Variants in LEKR1 observed in about 807,000 individuals in gnomAD.
LEKR1 encodes the protein leucine, glutamate and lysine rich 1, also known as protein LEKR1.
Under a neutral mutation model 72.4 loss-of-function variants are expected in LEKR1, and 59 were observed. The ratio of observed to expected loss-of-function variants is 0.82; its 90% CI spans 0.66 to 1.01. LEKR1 has a LOEUF of 1.01. Ranked by LOEUF, LEKR1 falls within the 50% of genes least tolerant of loss-of-function variation. The probability of loss-of-function intolerance (pLI) is 0.00; values close to 1 mark genes in which losing one functional copy is unlikely to be tolerated. For missense variants in LEKR1, 728 were observed against 759.2 expected (o/e 0.96, Z 0.48); for synonymous variants, 257 against 263.2 (o/e 0.98, Z 0.23).
At chr3:156,985,842 CAAAAAAA>C (rs34169262) in intron 7 of LEKR1, among the ~76,000 whole-genome samples, 5 of 119,546 alleles carry the variant, frequency 4.2e-5, no homozygotes, top group Admixed American at 8.4e-5. Flanking sequence ...GACTCTGTGT[CAAAAAAA>C]AAAAAAAAAA....
intron 3 of LEKR1, among the ~76,000 whole-genome samples, chr3:156,854,439 C>T (rs1392483454): frequency 1.3e-5 from 2 of 151,978 alleles, no homozygotes; most frequent in Non-Finnish European, 2.9e-5. Context: ...AGCCACTGTG[C>T]CCAGCCAAAA....
chr3:156,935,398 A>C lies in LEKR1; in HGVS notation c.560-7131A>C, dbSNP rs530281754. Among the ~76,000 whole-genome samples the C allele has an allele frequency of 3.3e-5, 5 of 152,206 alleles. No homozygotes were observed. In the South Asian group the frequency reaches 1.0e-3, roughly 31 times the overall value. ...CTTTTTAGTGCTATCACAGCAATCA[A>C]ATTTCCAGGGCATGGATGTACAAAC... On this transcript the variant is annotated intron_variant, in intron 5 of 12. Coordinates refer to ENST00000356539, the MANE Select transcript of LEKR1 (RefSeq NM_001004316.3).
At chr3:156,964,059 T>G (rs999657750) in intron 6 of LEKR1, among the ~76,000 whole-genome samples, 3 of 152,182 alleles carry the variant, frequency 2.0e-5, no homozygotes, top group Non-Finnish European at 2.9e-5. Context: ...AAGATGGGTA[T>G]GAGTATGTTA....
At chr3:156,933,788 A>G (rs138317875) in intron 5 of LEKR1, among the ~76,000 whole-genome samples, 532 of 152,340 alleles carry the variant, frequency 3.5e-3, no homozygotes, top group Non-Finnish European at 6.0e-3. Context: ...GAACAGTTAT[A>G]TCAGTTATAT....
intron 7 of LEKR1, among the ~76,000 whole-genome samples, chr3:156,992,135 C>T (rs919700532): frequency 3.3e-5 from 5 of 152,180 alleles, no homozygotes; most frequent in South Asian, 2.1e-4. Context: ...TCTCTTTCTC[C>T]GGCTCTCGCC....
intron 6 of LEKR1, among the ~76,000 whole-genome samples, chr3:156,944,002 AATATT>A (rs1446058116): frequency 1.3e-5 from 2 of 151,724 alleles, no homozygotes; most frequent in Non-Finnish European, 2.9e-5. Flanking sequence ...ATACAGTATA[AATATT>A]ATATTCTACA....
chr3:156,840,083 A>G (rs980687031), intron 2 of LEKR1, among the ~76,000 whole-genome samples: 6 of 152,162 alleles, frequency 3.9e-5, no homozygotes, highest in Admixed American at 3.3e-4. Context: ...GATTAAATAT[A>G]TTTCCTCTTT....
chr3:156,851,457 G>A (rs1715350999), intron 2 of LEKR1, among the ~76,000 whole-genome samples: 2 of 152,050 alleles, frequency 1.3e-5, no homozygotes, highest in Admixed American at 6.6e-5. Flanking sequence ...TAAAGGATAG[G>A]CAACAACATA....
intron 3 of LEKR1, among the ~76,000 whole-genome samples, chr3:156,919,396 G>A (rs1723976397): frequency 6.6e-6 from 1 of 152,102 alleles, no homozygotes; most frequent in Admixed American, 6.5e-5. Flanking sequence ...CTCTGTTCTT[G>A]GTTCAGGTGG....
At chr3:156,880,485 A>C (rs1358296424) in intron 3 of LEKR1, among the ~76,000 whole-genome samples, 2 of 152,202 alleles carry the variant, frequency 1.3e-5, no homozygotes, top group African/African-American at 4.8e-5. Context: ...CAATAACAGG[A>C]GCTGAAATTG....
chr3:156,920,817 C>A, intron 4 of LEKR1, 123 bp downstream of exon 4: 1 of 565,202 alleles, frequency 1.8e-6, no homozygotes, highest in Non-Finnish European at 3.0e-6. Flanking sequence ...AAAAGTGAAA[C>A]AGCATTAGGT....
intron 12 of LEKR1, among the ~76,000 whole-genome samples, chr3:157,041,872 T>G (rs1043565706): frequency 6.6e-6 from 1 of 152,214 alleles, no homozygotes; most frequent in African/African-American, 2.4e-5. Flanking sequence ...CTTGACTAAA[T>G]TGCTGAAAAC....
intron 2 of LEKR1, 92 bp downstream of exon 2, chr3:156,829,469 G>A (rs1484170627): frequency 3.5e-6 from 3 of 858,126 alleles, no homozygotes; most frequent in Non-Finnish European, 5.4e-6. Context: ...ATTAATTTTG[G>A]TCATAGGATC....
At chr3:156,838,759 C>G (rs1159816259) in intron 2 of LEKR1, among the ~76,000 whole-genome samples, 1 of 152,172 alleles carries the variant, frequency 6.6e-6, no homozygotes, top group African/African-American at 2.4e-5. Flanking sequence ...CAGAGCTCAC[C>G]TCCAATTCCA....
chr3:156,868,189 T>C (rs1294568283), intron 3 of LEKR1, among the ~76,000 whole-genome samples: 2 of 152,114 alleles, frequency 1.3e-5, no homozygotes, highest in Non-Finnish European at 2.9e-5. Context: ...TTCTCTAATA[T>C]TTCTACTCAG....
intron 9 of LEKR1, among the ~76,000 whole-genome samples, chr3:157,009,367 AC>A (rs1160021860): frequency 1.3e-5 from 2 of 152,152 alleles, no homozygotes; most frequent in African/African-American, 4.8e-5. Context: ...TGAACTGGCC[AC>A]ATTTTAACTG....
At chr3:156,969,849 T>A (rs1405087565) in intron 6 of LEKR1, among the ~76,000 whole-genome samples, 1 of 152,212 alleles carries the variant, frequency 6.6e-6, no homozygotes, top group Non-Finnish European at 1.5e-5. Flanking sequence ...ATATCCCTGA[T>A]GAACATCAAT....
intron 3 of LEKR1, among the ~76,000 whole-genome samples, chr3:156,885,085 A>T (rs1021973377): frequency 6.6e-6 from 1 of 152,142 alleles, no homozygotes; most frequent in Non-Finnish European, 1.5e-5. Context: ...GAAACTTTAC[A>T]GGGCATTTTG....
At chr3:156,871,691 A>C (rs1203646855) in intron 3 of LEKR1, among the ~76,000 whole-genome samples, 2 of 152,044 alleles carry the variant, frequency 1.3e-5, no homozygotes, top group Admixed American at 6.6e-5. Flanking sequence ...TTTGATTTGC[A>C]TTTCTCTGAT....
Sources: allele counts gnomAD v4.1 joint callset (sites outside exome capture counted in the v4.1 genomes callset), GRCh38; gene constraint gnomAD v4.1.1; transcripts MANE v1.5; gene names NCBI Gene and HGNC (gene_info 2026-07-23, HGNC 2026-07-21).